The following SLC45A1 variants were observed in gnomAD, a reference collection of about 807,000 sequenced individuals.
SLC45A1 encodes proton-associated sugar transporter A.
A neutral mutation model predicts 57.6 loss-of-function variants in SLC45A1; 28 were observed. The ratio of observed to expected loss-of-function variants is 0.49; its 90% confidence interval spans 0.36 to 0.67. SLC45A1 has a LOEUF of 0.67. Among genes scored for constraint, SLC45A1 ranks in the 30% least tolerant of loss-of-function variants. The pLI is 0.00. For synonymous variants in SLC45A1, 459 were observed against 471.5 expected (o/e 0.97, Z 0.34); for missense variants, 814 against 1,041.5 (o/e 0.78, Z 3.01).
Position 8,335,465 on chromosome 1 carries a change from A to T in SLC45A1, c.1472A>T (p.Lys491Met), listed in dbSNP as rs913494937. The T allele has an allele frequency of 3.8e-6, 6 of 1,598,312 alleles. No homozygotes were observed. Among genetic ancestry groups the T allele is most frequent in the Non-Finnish European group, 4.2e-6 (5 of 1,178,526 alleles). Residue 491 changes from lysine (K) to methionine (M), a missense_variant, in exon 6 of 9, where the codon AAG (lysine) becomes ATG (methionine). Coordinates refer to ENST00000471889, the MANE Select transcript of SLC45A1 (RefSeq NM_001080397.3). The surrounding 1 kb of genome is among the most constrained non-coding windows in gnomAD (Gnocchi z 4.1). ...GCCAATATCCTGCTCAACGGCGTGA[A>T]GTATGAGAGCGAGCTGACGGGCTCC... ...QVANILLNGV[K>M]YESELTGSSE... is the part of the protein sequence containing the mutation.
chr1:8,339,807 C>CA (rs1319635984), intron 8 of SLC45A1, 109 bp downstream of exon 8: 5 of 1,064,526 alleles, frequency 4.7e-6, no homozygotes, highest in Non-Finnish European at 5.7e-6. Flanking sequence ...TGCAAAATGT[C>CA]AAGACAGCGA....
intron 1 of SLC45A1, among the ~76,000 whole-genome samples, chr1:8,319,709 TTTG>T (rs528546014): frequency 3.3e-5 from 5 of 152,010 alleles, no homozygotes; most frequent in Non-Finnish European, 5.9e-5. Context: ...AAAATGGATT[TTTG>T]TTGTTGTTGT....
chr1:8,335,598 C>G lies in SLC45A1; in HGVS notation c.1597+8C>G, dbSNP rs1317194475. The G allele has an allele frequency of 6.3e-7, 1 of 1,592,714 alleles. No individual in the cohort carries two copies. The highest frequency in any genetic ancestry group is 1.3e-5 in the African/African-American group (1 of 74,528). On this transcript the variant is annotated splice_region_variant and intron_variant, in intron 6 of 8. Coordinates refer to ENST00000471889, the MANE Select transcript of SLC45A1 (RefSeq NM_001080397.3). The surrounding 1 kb of genome is among the most constrained non-coding windows in gnomAD (Gnocchi z 4.1). Reference sequence around the variant, plus strand: ...GCGTCAACCACTTCCTGGGTGAGCTCCCGGCCAAGCCTCCCCGTGAGTCCT... The same window carrying G: ...GCGTCAACCACTTCCTGGGTGAGCTGCCGGCCAAGCCTCCCCGTGAGTCCT...
chr1:8,343,617 T>C lies in SLC45A1; in HGVS notation c.1981-130T>C. The C allele has an allele frequency of 1.1e-6, 1 of 902,198 alleles. No individual in the cohort carries two copies. The allele number at this position is 902,198 out of a possible 1,614,324, so 55.9% of individuals were successfully genotyped here. ...TCTTGGCTGAACTCCCTGTGCATGT[T>C]GGCGCTGAAAAATGTGAGGCCGCTG... On this transcript the variant is annotated intron_variant, in intron 8 of 8. Transcript: ENST00000471889. The surrounding 1 kb of genome is among the most constrained non-coding windows in gnomAD (Gnocchi z 7.7).
At position 8,327,680 on chromosome 1, in the gene SLC45A1, C is replaced by G. The variant is rs1470123817; in HGVS notation, c.715+1638C>G. 6.6e-6 allele frequency among the ~76,000 whole-genome samples: 1 copy of G among 152,062 alleles called. No homozygotes were observed. Among genetic ancestry groups the G allele is most frequent in the Non-Finnish European group, 1.5e-5 (1 of 68,020 alleles). ...AAATAAATAAATAACTCTAGCTTGT[C>G]TATATAAAATACTTGCCTTGTTACA... is the stretch of plus-strand genomic sequence containing the variant. On this transcript the variant is annotated intron_variant, in intron 4 of 8. Transcript: ENST00000471889. This position sits in a 1 kb window ranked among gnomAD's most constrained non-coding sequence, Gnocchi z 4.3.
intron 4 of SLC45A1, among the ~76,000 whole-genome samples, chr1:8,329,169 C>A (rs567151014): frequency 3.3e-5 from 5 of 152,264 alleles, no homozygotes; most frequent in South Asian, 2.1e-4. Context: ...TCCTTAGGTA[C>A]GTGTGGAAGG....
chr1:8,323,145 G>A (rs1640083127), intron 1 of SLC45A1, among the ~76,000 whole-genome samples: 1 of 152,136 alleles, frequency 6.6e-6, no homozygotes, highest in African/African-American at 2.4e-5. Flanking sequence ...ATCTGGGAAG[G>A]CCTTGAACTT....
rs1640155851 is a variant in SLC45A1 at position 8,325,112 on chromosome 1, A to G, written c.398-186A>G. Among the ~76,000 whole-genome samples the G allele has an allele frequency of 6.6e-6, 1 of 152,160 alleles. No homozygotes were observed. The highest frequency in any genetic ancestry group is 1.5e-5 in the Non-Finnish European group (1 of 68,018). On this transcript the variant is annotated intron_variant, in intron 2 of 8. Coordinates refer to ENST00000471889, the MANE Select transcript of SLC45A1 (RefSeq NM_001080397.3). The surrounding 1 kb of genome is among the most constrained non-coding windows in gnomAD (Gnocchi z 6.3). ...TGGAGGATTTAAGGAGATGCTGAGC[A>G]ATCCCCAGAGTCTGCTGAGCTTTGG...
Position 8,328,676 on chromosome 1 carries a change from T to C in SLC45A1, c.716-1533T>C, listed in dbSNP as rs370086210. 1.6e-3 allele frequency among the ~76,000 whole-genome samples: 248 copies of C among 151,980 alleles called. 6 individuals carry two copies. In the South Asian group the frequency reaches 0.051, roughly 31 times the overall value. The stretch of plus-strand genomic sequence containing the variant: ...CAACATGGTGAAACCCCATCTCTAC[T>C]AAACATACAAAAATTAGCCGGGCGT... On this transcript the variant is annotated intron_variant, in intron 4 of 8. Coordinates refer to ENST00000471889, the MANE Select transcript of SLC45A1 (RefSeq NM_001080397.3). The surrounding 1 kb of genome is among the most constrained non-coding windows in gnomAD (Gnocchi z 4.6).
In SLC45A1 at chr1:8,327,364, C is replaced by T. The variant is rs1640235924; in HGVS notation, c.715+1322C>T. The stretch of plus-strand genomic sequence containing the variant: ...GAATGAGGCAAGAATGCACCCATCC[C>T]ACAGAGCCACTGCCATTAGGGACAC... On this transcript the variant is annotated intron_variant, in intron 4 of 8. Coordinates refer to ENST00000471889, the MANE Select transcript of SLC45A1 (RefSeq NM_001080397.3). This position sits in a 1 kb window ranked among gnomAD's most constrained non-coding sequence, Gnocchi z 4.3. 6.6e-6 allele frequency among the ~76,000 whole-genome samples: 1 copy of T among 152,212 alleles called. No homozygotes were observed. The highest frequency in any genetic ancestry group is 2.4e-5 in the African/African-American group (1 of 41,434).
chr1:8,326,369 A>T lies in SLC45A1; in HGVS notation c.715+327A>T, dbSNP rs1357404869. ...ACCGCATCTCGCTCCTAGGAAAAATACAGGGTTAGGTTCCTGTGAGCCTCC... is the reference window on the plus strand; with the variant it reads ...ACCGCATCTCGCTCCTAGGAAAAATTCAGGGTTAGGTTCCTGTGAGCCTCC... On this transcript the variant is annotated intron_variant, in intron 4 of 8. Coordinates refer to ENST00000471889, the MANE Select transcript of SLC45A1 (RefSeq NM_001080397.3). The surrounding 1 kb of genome is among the most constrained non-coding windows in gnomAD (Gnocchi z 5.5). Among the ~76,000 whole-genome samples the T allele has an allele frequency of 2.0e-5, 3 of 152,224 alleles. No individual in the cohort carries two copies. The highest frequency in any genetic ancestry group is 4.4e-5 in the Non-Finnish European group (3 of 68,044).
At chr1:8,318,299 C>G (rs1639886778) in intron 1 of SLC45A1, 113 bp downstream of exon 1, 1 of 399,256 alleles carries the variant, frequency 2.5e-6, no homozygotes, top group African/African-American at 2.1e-5. Flanking sequence ...CCGAGGCCGG[C>G]ACGGAGACCT....
rs111469259 is a variant in SLC45A1 at position 8,335,377 on chromosome 1, G to A, written c.1444-60G>A. 2.7e-6 allele frequency: 4 copies of A among 1,499,390 alleles called. No individual in the cohort carries two copies. Among genetic ancestry groups the A allele is most frequent in the Non-Finnish European group, 1.8e-6 (2 of 1,116,600 alleles). 92.9% of individuals were successfully genotyped at this position (1,499,390 alleles called of 1,614,324 possible). On this transcript the variant is annotated intron_variant, in intron 5 of 8. Coordinates refer to ENST00000471889, the MANE Select transcript of SLC45A1 (RefSeq NM_001080397.3). This position sits in a 1 kb window ranked among gnomAD's most constrained non-coding sequence, Gnocchi z 4.1. ...GAGCGCATTCCCCTGAGCAGAGCAG[G>A]GTCTGCGCTGTGTGATGGGGGTGCG...
At position 8,330,720 on chromosome 1, in the gene SLC45A1, C is replaced by T. The variant is rs138729525; in HGVS notation, c.1227C>T (p.Asp409=). 675 of 1,613,156 alleles carry T rather than the reference C, an allele frequency of 4.2e-4. 3 individuals carry two copies. The African/African-American group carries it at 7.5e-3, about 18-fold the overall frequency. ...GCGTCAGCTTCCCCCGGGCCCCCGA[C>T]GGCTTCTACCGCCAGGACCGTGGAC... ...PISVSFPRAP[D]GFYRQDRGLL... is the part of the protein sequence containing the mutation. The change falls in exon 5 of 9, where the codon GAC becomes GAT. Residue 409 remains aspartate, a synonymous_variant. Transcript: ENST00000471889. This position sits in a 1 kb window ranked among gnomAD's most constrained non-coding sequence, Gnocchi z 8.4.
chr1:8,337,338 G>A (rs984815988), intron 6 of SLC45A1, among the ~76,000 whole-genome samples: 2 of 152,230 alleles, frequency 1.3e-5, no homozygotes, highest in African/African-American at 4.8e-5. Flanking sequence ...GACACACAGG[G>A]ATTATGGGAG....
intron 5 of SLC45A1, among the ~76,000 whole-genome samples, chr1:8,334,173 C>T (rs182577028): frequency 2.0e-5 from 3 of 152,322 alleles, no homozygotes; most frequent in Non-Finnish European, 4.4e-5. Flanking sequence ...TGTTTCCTTT[C>T]TCCTTAGAGT....
At position 8,327,250 on chromosome 1, in the gene SLC45A1, A is replaced by G. The variant is rs999741225; in HGVS notation, c.715+1208A>G. ...TGTGTGCATGGACACACACACGACT[A>G]TATCCATACCATGCATATATGTATG... On this transcript the variant is annotated intron_variant, in intron 4 of 8. Coordinates refer to ENST00000471889, the MANE Select transcript of SLC45A1 (RefSeq NM_001080397.3). This position sits in a 1 kb window ranked among gnomAD's most constrained non-coding sequence, Gnocchi z 4.3. 6.6e-6 allele frequency among the ~76,000 whole-genome samples: 1 copy of G among 152,204 alleles called. No individual in the cohort carries two copies. The highest frequency in any genetic ancestry group is 2.4e-5 in the African/African-American group (1 of 41,460).
rs552752178 is a variant in SLC45A1 at position 8,330,154 on chromosome 1, C to T, written c.716-55C>T. ...TGTCCTTCTAAGAACGGGGCCACCG[C>T]GTTTGGGGCTTCTCCTCCCGCAGAA... On this transcript the variant is annotated intron_variant, in intron 4 of 8. Transcript: ENST00000471889. This position sits in a 1 kb window ranked among gnomAD's most constrained non-coding sequence, Gnocchi z 8.4. The T allele has an allele frequency of 9.5e-6, 15 of 1,581,256 alleles. No individual in the cohort carries two copies. Among genetic ancestry groups the T allele is most frequent in the African/African-American group, 8.1e-5 (6 of 73,942 alleles).
At chr1:8,340,375 G>A (rs1274588736) in intron 8 of SLC45A1, among the ~76,000 whole-genome samples, 2 of 151,996 alleles carry the variant, frequency 1.3e-5, no homozygotes, top group African/African-American at 4.8e-5. Context: ...TGTTGGTCAG[G>A]CTGGTCTCAA....
Sources: gnomAD v4.1 joint callset for allele counts (sites outside exome capture counted in the v4.1 genomes callset) on GRCh38, gnomAD v4.1.1 for gene constraint, Gnocchi (gnomAD v3.1) non-coding constraint, MANE v1.5 for transcripts, NCBI Gene and HGNC (gene_info 2026-07-23, HGNC 2026-07-21) for gene names.